CCDC178: variants seen among roughly 807,000 people sequenced by gnomAD.
CCDC178 encodes coiled-coil domain containing 178.
CCDC178 carries 126 observed loss-of-function variants against 117.4 expected under a neutral mutation model. That is an observed-to-expected ratio of 1.07 (90% CI 0.93 to 1.24). The LOEUF (loss-of-function observed/expected upper bound fraction) is 1.24. Ranked by LOEUF, CCDC178 falls within the 50% of genes most tolerant of loss-of-function variation. The probability of loss-of-function intolerance (pLI) is 0.00; values close to 1 mark genes in which losing one functional copy is unlikely to be tolerated. For synonymous variants in CCDC178, 283 were observed against 313.4 expected, an observed-to-expected ratio of 0.90 and a Z score of 1.02; for missense variants, 1,030 against 986.9, an observed-to-expected ratio of 1.04 and a Z score of -0.59.
chr18:33,359,235 A>G (rs1390158327), intron 6 of CCDC178, among the ~76,000 whole-genome samples: 2 of 151,848 alleles, frequency 1.3e-5, no homozygotes, highest in Non-Finnish European at 2.9e-5. Context: ...ATAGCTCAAT[A>G]GAAAATCATT....
At chr18:33,178,511 G>A (rs2058690501) in intron 20 of CCDC178, among the ~76,000 whole-genome samples, 1 of 151,920 alleles carries the variant, frequency 6.6e-6, no homozygotes, top group African/African-American at 2.4e-5. Context: ...AGTCAGAATG[G>A]GTGTATCCAT....
chr18:33,075,035 C>T (rs1287209501), intron 21 of CCDC178, among the ~76,000 whole-genome samples: 1 of 152,012 alleles, frequency 6.6e-6, no homozygotes, highest in Admixed American at 6.6e-5. Context: ...AGGATGGAAT[C>T]CAGAGCACAA....
chr18:33,340,195 T>C (rs1313905885), intron 9 of CCDC178, among the ~76,000 whole-genome samples: 1 of 152,094 alleles, frequency 6.6e-6, no homozygotes, highest in African/African-American at 2.4e-5. Context: ...TCTTGCTATG[T>C]TTTAGCAAAG....
chr18:33,015,613 GC>G (rs562168968), intron 21 of CCDC178, among the ~76,000 whole-genome samples: 8 of 151,378 alleles, frequency 5.3e-5, no homozygotes, highest in South Asian at 4.2e-4. Flanking sequence ...GGAAACCATG[GC>G]TAATTGGGGA....
At chr18:33,198,986 G>T (rs2058963936) in intron 20 of CCDC178, among the ~76,000 whole-genome samples, 1 of 151,852 alleles carries the variant, frequency 6.6e-6, no homozygotes, top group Non-Finnish European at 1.5e-5. Flanking sequence ...TAATGTAGCA[G>T]GAACTCAATA....
chr18:33,191,559 A>G (rs1214181700), intron 20 of CCDC178, among the ~76,000 whole-genome samples: 2 of 152,158 alleles, frequency 1.3e-5, no homozygotes, highest in African/African-American at 2.4e-5. Flanking sequence ...CAGAATATAT[A>G]ATATTAGATC....
intron 11 of CCDC178, among the ~76,000 whole-genome samples, chr18:33,322,150 A>G (rs759234756): frequency 6.6e-6 from 1 of 151,942 alleles, no homozygotes; most frequent in Non-Finnish European, 1.5e-5. Context: ...AAAAATAATT[A>G]TGTAGACAGA....
chr18:33,065,457 T>C (rs1158534330), intron 21 of CCDC178, among the ~76,000 whole-genome samples: 1 of 152,072 alleles, frequency 6.6e-6, no homozygotes, highest in Non-Finnish European at 1.5e-5. Flanking sequence ...ATCCAATACT[T>C]GAATTTTGGG....
intron 20 of CCDC178, among the ~76,000 whole-genome samples, chr18:33,099,185 T>A (rs1366215660): frequency 1.3e-5 from 2 of 152,052 alleles, no homozygotes; most frequent in Admixed American, 6.6e-5. Context: ...TATTACTAAG[T>A]GTAAACAATA....
chr18:33,082,929 G>A (rs2057320705), intron 21 of CCDC178, among the ~76,000 whole-genome samples: 1 of 151,728 alleles, frequency 6.6e-6, no homozygotes, highest in Admixed American at 6.6e-5. Context: ...CCACGGTTGA[G>A]GTTATTTCAT....
chr18:33,368,249 G>C (rs1489767238), intron 6 of CCDC178, among the ~76,000 whole-genome samples: 1 of 151,908 alleles, frequency 6.6e-6, no homozygotes, highest in Non-Finnish European at 1.5e-5. Context: ...AATAGGAGAG[G>C]TTAGGTACAT....
chr18:32,974,623 A>C lies in CCDC178; in HGVS notation c.2447T>G (p.Val816Gly). Residue 816 changes from valine (V) to glycine (G), a missense_variant, in exon 22 of 23, where the codon GTC becomes GGC. Val to Gly is a moderately radical substitution (Grantham distance 109). Coordinates refer to ENST00000383096, the MANE Select transcript of CCDC178 (RefSeq NM_001105528.4). The part of the protein sequence containing the change: ...TLWQEHFKLV[V>G]LFSQMRLANF... ...GGCCAGCCTCATCTGGCTGAAGAGG[A>C]CCACCAGTTTGAAGTGCTCCTGCCA... 1 of 1,613,460 alleles carries C rather than the reference A, an allele frequency of 6.2e-7. No individual in the cohort carries two copies. Among genetic ancestry groups the C allele is most frequent in the Non-Finnish European group, 8.5e-7 (1 of 1,179,730 alleles).
intron 21 of CCDC178, among the ~76,000 whole-genome samples, chr18:33,011,768 A>G (rs982289166): frequency 1.2e-4 from 4 of 33,996 alleles, no homozygotes; most frequent in African/African-American, 7.9e-4. Flanking sequence ...AGCAGAATGC[A>G]AAAAAAAAAA....
At chr18:33,169,672 G>C (rs950459426) in intron 20 of CCDC178, among the ~76,000 whole-genome samples, 2 of 152,080 alleles carry the variant, frequency 1.3e-5, no homozygotes, top group Admixed American at 1.3e-4. Context: ...ATTTCTGTTT[G>C]AAAGGCTAGA....
chr18:33,175,698 G>A (rs7243967), intron 20 of CCDC178, among the ~76,000 whole-genome samples: 86,666 of 151,956 alleles, frequency 0.57, 28,279 homozygotes, highest in Non-Finnish European at 0.71. Flanking sequence ...AAGCTACCAA[G>A]TGGGCAGACA....
intron 22 of CCDC178, among the ~76,000 whole-genome samples, chr18:32,962,136 A>T (rs1303075673): frequency 6.6e-6 from 1 of 151,982 alleles, no homozygotes; most frequent in Non-Finnish European, 1.5e-5. Flanking sequence ...AGTCAATATC[A>T]TAATCATTTT....
chr18:33,377,397 T>C (rs1271577372), intron 5 of CCDC178, among the ~76,000 whole-genome samples: 1 of 143,342 alleles, frequency 7.0e-6, no homozygotes, highest in Non-Finnish European at 1.5e-5. Context: ...GTAGGTTGCC[T>C]GTTTACTCTG....
chr18:33,121,959 G>A (rs576429156), intron 20 of CCDC178, among the ~76,000 whole-genome samples: 1 of 152,188 alleles, frequency 6.6e-6, no homozygotes, highest in African/African-American at 2.4e-5. Context: ...ACAGTAACAT[G>A]CTGTACAGGT....
chr18:33,205,090 A>G (rs1373772425), intron 20 of CCDC178, among the ~76,000 whole-genome samples: 2 of 152,120 alleles, frequency 1.3e-5, no homozygotes, highest in East Asian at 3.8e-4. Context: ...AAATATAACT[A>G]AAAGTGGAAT....
Sources: gnomAD v4.1 joint callset for allele counts (sites outside exome capture counted in the v4.1 genomes callset) on GRCh38, gnomAD v4.1.1 for gene constraint, MANE v1.5 for transcripts, NCBI Gene and HGNC (gene_info 2026-07-23, HGNC 2026-07-21) for gene names.